The following MSLN variants were observed in gnomAD, a reference collection of about 807,000 sequenced individuals.
MSLN encodes the protein mesothelin, also known as CAK1 antigen.
MSLN carries 82 observed loss-of-function variants against 72.6 expected under a neutral mutation model. That is an observed-to-expected ratio of 1.13 (90% CI 0.94 to 1.36). The LOEUF (loss-of-function observed/expected upper bound fraction) is 1.36, where lower values mean the gene tolerates loss of function less well. MSLN is among the 40% of genes most tolerant of loss of function. The pLI is 0.00. For missense variants in MSLN, 1,005 were observed against 847.9 expected, an observed-to-expected ratio of 1.19 and a Z score of -2.30; for synonymous variants, 456 against 387.3, an observed-to-expected ratio of 1.18 and a Z score of -2.08.
rs375407313 is a variant in MSLN at position 767,095 on chromosome 16, C to T, written c.1501+83C>T. 340 of 1,586,712 alleles carry T rather than the reference C, an allele frequency of 2.1e-4. 1 individual carries two copies. Among genetic ancestry groups the T allele is most frequent in the Middle Eastern group, 1.7e-3 (8 of 4,594 alleles). Reference sequence around the variant, plus strand: ...ACTCGGGGGTGCCAGGCCTTTGCCTCGCCGGGCCGTCTGCTGCCAGGGTAA... The same window carrying T: ...ACTCGGGGGTGCCAGGCCTTTGCCTTGCCGGGCCGTCTGCTGCCAGGGTAA... On this transcript the variant is annotated intron_variant, in intron 15 of 17. Coordinates refer to ENST00000545450, the MANE Select transcript of MSLN (RefSeq NM_005823.6).
chr16:765,562 C>T lies in MSLN; in HGVS notation c.740C>T (p.Ala247Val). ...ACATGGTCTGTCTCCACGATGGACG[C>T]TCTGCGGGGCCTGCTGCCCGTGCTG... ...PSTWSVSTMDALRGLLPVLGQ... is the reference protein window; with the variant it reads ...PSTWSVSTMDVLRGLLPVLGQ... Residue 247 changes from alanine (A) to valine (V), a missense_variant, in exon 10 of 18, where the codon GCT becomes GTT. Physicochemically the swap from Ala to Val is moderately conservative, Grantham distance 64. Transcript: ENST00000545450. The T allele has an allele frequency of 6.2e-7, 1 of 1,606,874 alleles. No individual in the cohort carries two copies. The highest frequency in any genetic ancestry group is 1.3e-5 in the African/African-American group (1 of 75,034).
Position 767,373 on chromosome 16 carries a change from C to A in MSLN, c.1502-3C>A, listed in dbSNP as rs1452150149. 6.2e-7 allele frequency: 1 copy of A among 1,610,682 alleles called. No individual in the cohort carries two copies. On this transcript the variant is annotated splice_polypyrimidine_tract_variant and splice_region_variant and intron_variant, in intron 15 of 17. Transcript: ENST00000545450. Reference sequence around the variant, plus strand: ...CAGCTCGGGCCCCTCTCCCGGCGGGCAGGTGGGGCCCCCACGGAGGATTTG... The same window carrying A: ...CAGCTCGGGCCCCTCTCCCGGCGGGAAGGTGGGGCCCCCACGGAGGATTTG...
rs767085280 is a variant in MSLN, at chr16:768,777, G to C, written c.*44G>C. On this transcript the variant is annotated 3_prime_UTR_variant, in exon 18 of 18. Coordinates refer to ENST00000545450, the MANE Select transcript of MSLN (RefSeq NM_005823.6). The stretch of plus-strand genomic sequence containing the variant: ...GGCCCCAGCCCTGCTGGGGATCCCC[G>C]CCTGGCCAGGAGCAGGCACGGGTGG... The C allele has an allele frequency of 2.5e-6, 4 of 1,591,084 alleles. No individual in the cohort carries two copies. The East Asian group carries it at 8.9e-5, about 36-fold the overall frequency.
intron 16 of MSLN, 44 bp from the exon 17 acceptor site, chr16:768,335 A>G (rs1434324252): frequency 2.0e-6 from 3 of 1,489,176 alleles, no homozygotes; most frequent in Non-Finnish European, 2.7e-6. Context: ...GGCGGCGCTG[A>G]GGGAAGGAGA....
At position 765,812 on chromosome 16, in the gene MSLN, G is replaced by A. The variant is rs772882034; in HGVS notation, c.895+22G>A. The A allele has an allele frequency of 1.1e-5, 17 of 1,590,164 alleles. 2 individuals carry two copies. In the South Asian group the frequency reaches 1.8e-4, roughly 17 times the overall value. On this transcript the variant is annotated intron_variant, in intron 11 of 17. Transcript: ENST00000545450. The stretch of plus-strand genomic sequence containing the variant: ...GAGAGTGAGTGCCGTGCCCTGCGCA[G>A]TCTGGCACCAGGCTGGGCAGCACCC...
rs145376417 is a variant in MSLN at position 764,985 on chromosome 16, G to A, written c.459G>A (p.Pro153=). 8.7e-5 allele frequency: 140 copies of A among 1,612,322 alleles called. No individual in the cohort carries two copies. The highest frequency in any genetic ancestry group is 5.7e-4 in the African/African-American group (43 of 75,062). ...CGAAGGCCAATGTGGACCTGCTCCC[G>A]AGGGGGGCTCCCGAGCGACAGCGGC... ...RITKANVDLL[P]RGAPERQRLL... The change falls in exon 8 of 18, where the codon CCG becomes CCA. Residue 153 remains proline (P), a synonymous_variant. Transcript: ENST00000545450.
Position 765,609 on chromosome 16 carries a change from A to G in MSLN, c.787A>G (p.Ile263Val). Reference sequence around the variant, plus strand: ...GCTGGGCCAGCCCATCATCCGCAGCATCCCGCAGGTGAGACCCCAATCCCC... The same window carrying G: ...GCTGGGCCAGCCCATCATCCGCAGCGTCCCGCAGGTGAGACCCCAATCCCC... ...PVLGQPIIRS[I>V]PQGIVAAWRQ... is the part of the protein sequence containing the mutation. The change falls in exon 10 of 18, where the codon ATC becomes GTC. Residue 263 changes from isoleucine to valine, a missense_variant. By Grantham distance (29) the Ile-to-Val change is conservative. Coordinates refer to ENST00000545450, the MANE Select transcript of MSLN (RefSeq NM_005823.6). The G allele has an allele frequency of 6.2e-7, 1 of 1,603,630 alleles. No homozygotes were observed. The highest frequency in any genetic ancestry group is 8.5e-7 in the Non-Finnish European group (1 of 1,178,890).
At chr16:765,073 G>C in intron 8 of MSLN, 37 bp downstream of exon 8, 19 of 1,607,614 alleles carry the variant, frequency 1.2e-5, no homozygotes, top group Non-Finnish European at 1.5e-5. Flanking sequence ...GAGAGGGCTC[G>C]GCAGTTCCAA....
At chr16:764,804 G>A (rs192556925) in intron 7 of MSLN, 78 bp downstream of exon 7, 95 of 1,578,272 alleles carry the variant, frequency 6.0e-5, no homozygotes, top group African/African-American at 5.4e-4. Context: ...CCCTTGCCTC[G>A]GATCCCAGGC....
At chr16:761,371 G>C (rs1183032143) in intron 2 of MSLN, among the ~76,000 whole-genome samples, 197 bp downstream of exon 2, 2 of 152,234 alleles carry the variant, frequency 1.3e-5, no homozygotes, top group Non-Finnish European at 2.9e-5. Flanking sequence ...CAGTGCAGGT[G>C]CCTCCACGGC....
chr16:768,471 C>A lies in MSLN; in HGVS notation c.1689C>A (p.Ile563=). ...EERHRPVRDW[I]LRQRQDDLDT... ...GGCACCGCCCGGTGCGGGACTGGAT[C>A]CTACGGCAGCGGCAGGACGACCTGG... Residue 563 remains isoleucine (I), a synonymous_variant, in exon 17 of 18, where the codon ATC becomes ATA. Coordinates refer to ENST00000545450, the MANE Select transcript of MSLN (RefSeq NM_005823.6). 1 of 1,567,876 alleles carries A rather than the reference C, an allele frequency of 6.4e-7. No individual in the cohort carries two copies. The highest frequency in any genetic ancestry group is 1.8e-5 in the Admixed American group (1 of 56,644).
intron 7 of MSLN, 58 bp from the exon 8 acceptor site, chr16:764,849 C>T (rs1171019334): frequency 3.8e-6 from 6 of 1,598,698 alleles, no homozygotes; most frequent in Non-Finnish European, 5.1e-6. Context: ...CGGGCTGCCT[C>T]TCAGGGTGGG....
In MSLN at chr16:765,297, C is replaced by A. The variant is rs567484796; in HGVS notation, c.698C>A (p.Pro233His). 1.9e-6 allele frequency: 3 copies of A among 1,571,596 alleles called. No homozygotes were observed. The highest frequency in any genetic ancestry group is 2.6e-6 in the Non-Finnish European group (3 of 1,165,060). ...GCGGCTCTGCAGGGCGGGGGACCCC[C>A]CTACGGGTAAGTGAAGGTGTCTGGA... Reference protein sequence around the residue: ...ARAALQGGGPPYGPPSTWSVS... With the variant: ...ARAALQGGGPHYGPPSTWSVS... Residue 233 changes from proline (P) to histidine (H), a missense_variant, in exon 9 of 18, where the codon CCC (proline) becomes CAC (histidine). By Grantham distance (77) the Pro-to-His change is moderately conservative (BLOSUM62 -2). Transcript: ENST00000545450.
chr16:768,460 C>G lies in MSLN; in HGVS notation c.1678C>G (p.Arg560Gly), dbSNP rs374380113. The G allele has an allele frequency of 4.5e-6, 7 of 1,555,534 alleles. No homozygotes were observed. The African/African-American group carries it at 6.8e-5, about 15-fold the overall frequency. The change falls in exon 17 of 18, where the codon CGG becomes GGG. Residue 560 changes from arginine to glycine, a missense_variant. Physicochemically the swap from Arg to Gly is moderately radical, Grantham distance 125. Transcript: ENST00000545450. Reference sequence around the variant, plus strand: ...GGCGGAGGAGCGGCACCGCCCGGTGCGGGACTGGATCCTACGGCAGCGGCA... The same window carrying G: ...GGCGGAGGAGCGGCACCGCCCGGTGGGGGACTGGATCCTACGGCAGCGGCA... ...LKAEERHRPV[R>G]DWILRQRQDD...
In MSLN at chr16:766,711, T is replaced by A; in HGVS notation, c.1274T>A (p.Leu425Gln). The change falls in exon 14 of 18, where the codon CTA becomes CAA. Residue 425 changes from leucine to glutamine, a missense_variant. By Grantham distance (113) the Leu-to-Gln change is moderately radical. Coordinates refer to ENST00000545450, the MANE Select transcript of MSLN (RefSeq NM_005823.6). ...CGCTTTGTGAAGGGAAGGGGCCAGC[T>A]AGACAAAGACACCCTAGACACCCTG... ...IDRFVKGRGQ[L>Q]DKDTLDTLTA... 1 of 1,612,584 alleles carries A rather than the reference T, an allele frequency of 6.2e-7. No homozygotes were observed. Among genetic ancestry groups the A allele is most frequent in the African/African-American group, 1.3e-5 (1 of 75,004 alleles).
Position 764,034 on chromosome 16 carries a change from G to T in MSLN, c.191G>T (p.Arg64Leu). 6.2e-7 allele frequency: 1 copy of T among 1,601,678 alleles called. No individual in the cohort carries two copies. The highest frequency in any genetic ancestry group is 8.5e-7 in the Non-Finnish European group (1 of 1,179,494). The change falls in exon 6 of 18, where the codon CGC becomes CTC. Residue 64 changes from arginine to leucine, a missense_variant. By Grantham distance (102) the Arg-to-Leu change is moderately radical. Coordinates refer to ENST00000545450, the MANE Select transcript of MSLN (RefSeq NM_005823.6). ...GACCCTTCCTGCAGCCTCTCCCCTC[G>T]CCAACTCCTTGGCTTCCCGTGTGCG... ...NPPNISSLSPRQLLGFPCAEV... is the reference protein window; with the variant it reads ...NPPNISSLSPLQLLGFPCAEV...
In MSLN at chr16:762,713, G is replaced by A; in HGVS notation, c.33G>A (p.Gly11=). 1 of 1,609,652 alleles carries A rather than the reference G, an allele frequency of 6.2e-7. No homozygotes were observed. Among genetic ancestry groups the A allele is most frequent in the East Asian group, 2.2e-5 (1 of 44,748 alleles). MALPTARPLL[G]SCGTPALGSL... ...TGCCAACGGCTCGACCCCTGTTGGG[G>A]TCCTGTGGGACCCCCGCCCTCGGCA... The change falls in exon 3 of 18, where the codon GGG becomes GGA. Residue 11 remains glycine (G), a synonymous_variant. Transcript: ENST00000545450.
rs908903372 is a variant in MSLN, at chr16:764,575, G to C, written c.301-72G>C. The stretch of plus-strand genomic sequence containing the variant: ...AGGGGTGTGTTGTGGTGGGCAGACT[G>C]GCCAGGCGACCCTGGCCCACCATGT... On this transcript the variant is annotated intron_variant, in intron 6 of 17. Transcript: ENST00000545450. 6.2e-6 allele frequency: 8 copies of C among 1,295,520 alleles called. No individual in the cohort carries two copies. In the East Asian group the frequency reaches 1.8e-4, roughly 30 times the overall value. 80.3% of individuals were successfully genotyped at this position (1,295,520 alleles called of 1,614,324 possible).
rs1270578678 is a variant in MSLN, at chr16:765,529, C to G, written c.707C>G (p.Pro236Arg). 1 of 1,604,582 alleles carries G rather than the reference C, an allele frequency of 6.2e-7. No individual in the cohort carries two copies. ...ALQGGGPPYG[P>R]PSTWSVSTMD... The stretch of plus-strand genomic sequence containing the variant: ...AGCTGTGTCCCGTGTCTGCACAGCC[C>G]CCCGTCGACATGGTCTGTCTCCACG... Residue 236 changes from proline to arginine, a missense_variant and splice_region_variant, in exon 10 of 18, where the codon CCC becomes CGC. Coordinates refer to ENST00000545450, the MANE Select transcript of MSLN (RefSeq NM_005823.6).
Sources: gnomAD v4.1 joint callset for allele counts (sites outside exome capture counted in the v4.1 genomes callset) on GRCh38, gnomAD v4.1.1 for gene constraint, MANE v1.5 for transcripts, NCBI Gene and HGNC (gene_info 2026-07-23, HGNC 2026-07-21) for gene names.